The following EBF1 variants were observed in gnomAD, a reference collection of about 807,000 sequenced individuals.
The protein encoded by EBF1 is transcription factor COE1.
In EBF1, 10 loss-of-function variants were observed where a neutral mutation model predicts 68.4. That is an observed-to-expected ratio of 0.15 (90% CI 0.09 to 0.25). The LOEUF (loss-of-function observed/expected upper bound fraction) is 0.25. EBF1 is among the 10% of genes least tolerant of loss of function. EBF1 has a pLI of 1.00. For missense variants in EBF1, 509 were observed against 794.4 expected, an observed-to-expected ratio of 0.64 and a Z score of 4.32; for synonymous variants, 298 against 299.8, an observed-to-expected ratio of 0.99 and a Z score of 0.06.
chr5:159,014,742 A>T (rs115336118), intron 6 of EBF1, among the ~76,000 whole-genome samples: 2,738 of 152,306 alleles, frequency 0.018, 87 homozygotes, highest in African/African-American at 0.063. Flanking sequence ...CTGGCCAATG[A>T]GATGAAAGCA....
rs764996146 is a variant in EBF1 at position 158,731,165 on chromosome 5, A to G, written c.1037-8T>C. 6.2e-7 allele frequency: 1 copy of G among 1,613,376 alleles called. No homozygotes were observed. Among genetic ancestry groups the G allele is most frequent in the Non-Finnish European group, 8.5e-7 (1 of 1,179,482 alleles). Reference sequence around the variant, plus strand: ...TGGTGGGTTCGTTGAGCGCTGCAATAAAGAAGTCACACAATTAGTACATTT... The same window carrying G: ...TGGTGGGTTCGTTGAGCGCTGCAATGAAGAAGTCACACAATTAGTACATTT... On this transcript the variant is annotated splice_region_variant and splice_polypyrimidine_tract_variant and intron_variant, in intron 10 of 15. Transcript: ENST00000313708.
intron 6 of EBF1, among the ~76,000 whole-genome samples, chr5:159,072,393 A>C (rs542059440): frequency 6.6e-6 from 1 of 152,332 alleles, no homozygotes; most frequent in Non-Finnish European, 1.5e-5. Context: ...AAACAAGCCC[A>C]AAAAAGGTAG....
chr5:158,921,895 CT>C (rs1808519059), intron 6 of EBF1, among the ~76,000 whole-genome samples: 1 of 152,204 alleles, frequency 6.6e-6, no homozygotes, highest in East Asian at 1.9e-4. Context: ...GTTGCTCTAT[CT>C]TTGGTTTATT....
At chr5:158,716,008 T>C (rs1431316576) in intron 11 of EBF1, among the ~76,000 whole-genome samples, 1 of 152,168 alleles carries the variant, frequency 6.6e-6, no homozygotes, top group African/African-American at 2.4e-5. Context: ...AAAAGGCAAG[T>C]CTCCCGTTTG....
At chr5:159,048,416 T>G (rs976394539) in intron 6 of EBF1, among the ~76,000 whole-genome samples, 1 of 152,192 alleles carries the variant, frequency 6.6e-6, no homozygotes, top group African/African-American at 2.4e-5. Context: ...TTCCACGGCA[T>G]GCCAACTCTG....
At position 158,850,789 on chromosome 5, in the gene EBF1, T is replaced by C. The variant is rs111472980; in HGVS notation, c.555-10679A>G. 1.4e-3 allele frequency among the ~76,000 whole-genome samples: 212 copies of C among 152,206 alleles called. 1 individual carries two copies. The highest frequency in any genetic ancestry group is 4.9e-3 in the African/African-American group (203 of 41,534). On this transcript the variant is annotated intron_variant, in intron 6 of 15. Coordinates refer to ENST00000313708, the MANE Select transcript of EBF1 (RefSeq NM_024007.5). ...TGGGAGGCCGAGGCGTGTGGATTGC[T>C]TGAGGTCAAGAGTTTGAGACCAGCC...
chr5:158,920,746 AT>A (rs61449540), intron 6 of EBF1, among the ~76,000 whole-genome samples: 3 of 151,106 alleles, frequency 2.0e-5, no homozygotes, highest in Non-Finnish European at 3.0e-5. Context: ...ACTTGGCTCC[AT>A]TTTTTTTTAA....
chr5:158,806,424 G>C (rs1312040489), intron 8 of EBF1, among the ~76,000 whole-genome samples: 4 of 152,110 alleles, frequency 2.6e-5, no homozygotes, highest in African/African-American at 9.7e-5. Context: ...CCTAAGAAGA[G>C]AGGATCCCTC....
chr5:158,799,151 G>C, intron 8 of EBF1, among the ~76,000 whole-genome samples: 1 of 152,124 alleles, frequency 6.6e-6, no homozygotes, highest in East Asian at 1.9e-4. Context: ...GGTCAAACTG[G>C]GTATAGTGGC....
At chr5:159,096,453 T>G in intron 2 of EBF1, 47 bp from the exon 3 acceptor site, 2 of 1,596,842 alleles carry the variant, frequency 1.3e-6, no homozygotes, top group Non-Finnish European at 1.7e-6. Context: ...AGGAGAGAGG[T>G]CTGCGTGAGC....
intron 6 of EBF1, among the ~76,000 whole-genome samples, chr5:158,845,917 A>C (rs928419588): frequency 2.0e-5 from 3 of 152,186 alleles, no homozygotes; most frequent in Non-Finnish European, 2.9e-5. Flanking sequence ...CATTGCAATC[A>C]ATCTGGGCTG....
At chr5:158,795,003 A>G (rs1779355127) in intron 9 of EBF1, among the ~76,000 whole-genome samples, 1 of 152,212 alleles carries the variant, frequency 6.6e-6, no homozygotes, top group African/African-American at 2.4e-5. Context: ...GACCAAATGC[A>G]TACCCCTTGT....
chr5:159,096,661 C>A, intron 2 of EBF1: 1 of 606,096 alleles, frequency 1.6e-6, no homozygotes, highest in Non-Finnish European at 2.9e-6. Context: ...GGGGCTCGTG[C>A]CCCGGCCACC....
At chr5:158,701,719 A>C (rs1470627411) in intron 15 of EBF1, among the ~76,000 whole-genome samples, 1 of 152,248 alleles carries the variant, frequency 6.6e-6, no homozygotes, top group Non-Finnish European at 1.5e-5. Context: ...CTAGAGATTT[A>C]GACTTTGTTT....
intron 5 of EBF1, among the ~76,000 whole-genome samples, chr5:159,078,833 G>C (rs918954297): frequency 6.6e-6 from 1 of 152,168 alleles, no homozygotes; most frequent in Non-Finnish European, 1.5e-5. Context: ...GCGAACTTAT[G>C]AGTCTCTTTC....
chr5:158,867,967 A>G (rs1045519121), intron 6 of EBF1, among the ~76,000 whole-genome samples: 6 of 152,106 alleles, frequency 3.9e-5, no homozygotes, highest in Non-Finnish European at 8.8e-5. Flanking sequence ...CCATGTGACT[A>G]TACAAATCCT....
intron 6 of EBF1, among the ~76,000 whole-genome samples, chr5:159,023,946 A>C (rs1767217830): frequency 6.6e-6 from 1 of 152,212 alleles, no homozygotes; most frequent in African/African-American, 2.4e-5. Context: ...AACAACTCAC[A>C]GCTTTATGAG....
At chr5:158,776,309 CGAGA>C (rs370864488) in intron 10 of EBF1, among the ~76,000 whole-genome samples, 47 of 147,964 alleles carry the variant, frequency 3.2e-4, no homozygotes, top group East Asian at 5.9e-4. Flanking sequence ...TTTATAATTT[CGAGA>C]GAGAGAGAGA....
At chr5:158,738,966 T>C (rs1581476019) in intron 10 of EBF1, among the ~76,000 whole-genome samples, 1 of 152,238 alleles carries the variant, frequency 6.6e-6, no homozygotes, top group African/African-American at 2.4e-5. Flanking sequence ...ATTTTTATTA[T>C]GTAAGGCTCA....
Sources: allele counts gnomAD v4.1 joint callset (sites outside exome capture counted in the v4.1 genomes callset), GRCh38; gene constraint gnomAD v4.1.1; transcripts MANE v1.5; gene names NCBI Gene and HGNC (gene_info 2026-07-23, HGNC 2026-07-21).